MTERF4: variants seen among roughly 807,000 people sequenced by gnomAD.
MTERF4 encodes the protein mitochondrial transcription termination factor 4.
In MTERF4, 17 loss-of-function variants were observed where a neutral mutation model predicts 22.5. The ratio of observed to expected loss-of-function variants is 0.75; its 90% confidence interval spans 0.52 to 1.13. The LOEUF is 1.13. Among genes scored for constraint, MTERF4 ranks in the 50% most tolerant of loss-of-function variants. The pLI is 0.00. For missense variants in MTERF4, 420 were observed against 466.8 expected, an observed-to-expected ratio of 0.90 and a Z score of 0.92; for synonymous variants, 165 against 175.3, an observed-to-expected ratio of 0.94 and a Z score of 0.47.
chr2:241,084,141 T>A (rs945930516), downstream of MTERF4, among the ~76,000 whole-genome samples: 2 of 150,428 alleles, frequency 1.3e-5, no homozygotes, highest in Non-Finnish European at 3.0e-5. Context: ...AGGATTTTTT[T>A]TTTTTTTTTT....
chr2:241,057,315 G>T, the MTERF4 span, among the ~76,000 whole-genome samples: 1 of 149,794 alleles, frequency 6.7e-6, no homozygotes, highest in Non-Finnish European at 1.5e-5. Context: ...GGAGGCGGAG[G>T]TTGCAATGAG....
intron 2 of MTERF4, 67 bp downstream of exon 2, chr2:241,099,329 C>T: frequency 6.6e-7 from 1 of 1,524,614 alleles, no homozygotes; most frequent in South Asian, 1.3e-5. Context: ...CCTGCCTCGG[C>T]CTCCCAAAGA....
At chr2:241,089,213 G>C (rs945846762), downstream of MTERF4, 76 of 1,320,562 alleles carry the variant, frequency 5.8e-5, no homozygotes, top group Admixed American at 2.4e-4. Flanking sequence ...ACATGTCACT[G>C]CATGAAAGAT....
rs751077088 is a variant in MTERF4 at position 241,102,282 on chromosome 2, G to A, written c.-9C>T. 5.8e-6 allele frequency: 9 copies of A among 1,549,062 alleles called. No homozygotes were observed. Among genetic ancestry groups the A allele is most frequent in the South Asian group, 1.2e-5 (1 of 84,036 alleles). ...CGGCCGAACGCAGCCATAGCGCGGAGAAGATGGCAGCAGTTACGGCGCCGG... is the reference window on the plus strand; with the variant it reads ...CGGCCGAACGCAGCCATAGCGCGGAAAAGATGGCAGCAGTTACGGCGCCGG... On this transcript the variant is annotated 5_prime_UTR_variant, in exon 1 of 4. Coordinates refer to ENST00000391980, the MANE Select transcript of MTERF4 (RefSeq NM_182501.4).
At chr2:241,067,629 C>A, downstream of MTERF4, 1 of 654,172 alleles carries the variant, frequency 1.5e-6, no homozygotes, top group Non-Finnish European at 2.6e-6. Flanking sequence ...GTTCCCTGAG[C>A]AGTTGATGGG....
intron 4 of MTERF4, among the ~76,000 whole-genome samples, chr2:241,081,325 C>T (rs1422535918): frequency 1.4e-5 from 2 of 140,852 alleles, no homozygotes; most frequent in African/African-American, 2.5e-5. Flanking sequence ...CAGCAAGGGT[C>T]GGGGTGGGGA....
In MTERF4 at chr2:241,096,010, G is replaced by C. The variant is rs10167328; in HGVS notation, c.1134C>G (p.Asp378Glu). The C allele has an allele frequency of 1.7e-5, 28 of 1,613,616 alleles. No individual in the cohort carries two copies. The highest frequency in any genetic ancestry group is 3.3e-4 in the Middle Eastern group (2 of 6,062). The change falls in exon 4 of 4, where the codon GAC (aspartate) becomes GAG (glutamate). Residue 378 changes from aspartate (D) to glutamate (E), a missense_variant. By Grantham distance (45) the Asp-to-Glu change is conservative. Coordinates refer to ENST00000391980, the MANE Select transcript of MTERF4 (RefSeq NM_182501.4). This position sits in a 1 kb window ranked among gnomAD's most constrained non-coding sequence, Gnocchi z 5.1. ...AEDNDEDEDD[D>E]EEE is the part of the protein sequence containing the mutation. ...CCTTCCATCACAGCTATTCCTCCTC[G>C]TCGTCGTCCTCATCCTCATCATTGT...
At chr2:241,044,536 T>C in the MTERF4 span, among the ~76,000 whole-genome samples, 1 of 151,900 alleles carries the variant, frequency 6.6e-6, no homozygotes, top group Non-Finnish European at 1.5e-5. Flanking sequence ...CAGTGGTGAG[T>C]TTACCATTTT....
chr2:241,078,201 G>C (rs1464662823), intron 4 of MTERF4, among the ~76,000 whole-genome samples: 1 of 150,620 alleles, frequency 6.6e-6, no homozygotes, highest in African/African-American at 2.5e-5. Context: ...TGGCCAACGC[G>C]GTGAAACCCC....
At chr2:241,079,823 G>A (rs78788439) in intron 4 of MTERF4, among the ~76,000 whole-genome samples, 1,717 of 152,170 alleles carry the variant, frequency 0.011, 41 homozygotes, top group African/African-American at 0.039. Context: ...AAAAAGCATC[G>A]CCAAGGAATG....
chr2:241,078,177 GT>G lies in MTERF4; in HGVS notation n.480-2496del, dbSNP rs564361827. Among the ~76,000 whole-genome samples the G allele has an allele frequency of 4.0e-3, 608 of 151,958 alleles. 13 individuals are homozygous for G. The highest frequency in any genetic ancestry group is 0.013 in the African/African-American group (552 of 41,296). ...AGGCGGGCAGATCACCAGGTCAGGC[GT>G]TCGAGACAAGTCTGGCCAACGCGGT... On this transcript the variant is annotated intron_variant and non_coding_transcript_variant, in intron 4 of 4. Coordinates refer to the MTERF4 transcript ENST00000464344.
downstream of MTERF4, among the ~76,000 whole-genome samples, chr2:241,071,219 CTG>C (rs2125239306): frequency 6.6e-6 from 1 of 152,314 alleles, no homozygotes; most frequent in South Asian, 2.1e-4. Flanking sequence ...GGGAGAAGCA[CTG>C]TGTCTCCAGG....
rs1258117358 is a variant in MTERF4, at chr2:241,101,994, A to C, written c.21+259T>G. The C allele has an allele frequency of 5.4e-6, 3 of 555,194 alleles. No homozygotes were observed. In the African/African-American group the frequency reaches 6.0e-5, roughly 11 times the overall value. The allele number at this position is 555,194 out of a possible 1,614,324, so 34.4% of individuals were successfully genotyped here. On this transcript the variant is annotated intron_variant, in intron 1 of 3. Coordinates refer to ENST00000391980, the MANE Select transcript of MTERF4 (RefSeq NM_182501.4). Reference sequence around the variant, plus strand: ...CTTGAACCCGGGAGGCGGAGGTTGCAGTGAGCCGAGATCGCGCCATTGCAC... The same window carrying C: ...CTTGAACCCGGGAGGCGGAGGTTGCCGTGAGCCGAGATCGCGCCATTGCAC...
the MTERF4 span, among the ~76,000 whole-genome samples, chr2:241,066,093 C>A: frequency 6.6e-6 from 1 of 152,178 alleles, no homozygotes; most frequent in African/African-American, 2.4e-5. Context: ...TGGGGCAGGC[C>A]CTAGATGGAA....
rs768765232 is a variant in MTERF4, at chr2:241,073,250, G to A, written n.2912C>T. The A allele has an allele frequency of 1.5e-5, 23 of 1,546,114 alleles. No homozygotes were observed. Among genetic ancestry groups the A allele is most frequent in the East Asian group, 7.3e-5 (3 of 40,856 alleles). On this transcript the variant is annotated non_coding_transcript_exon_variant, in exon 5 of 5. Coordinates refer to the MTERF4 transcript ENST00000464344. This position sits in a 1 kb window ranked among gnomAD's most constrained non-coding sequence, Gnocchi z 6.6. ...AAAGCAGCTGCGCCGTGTGGTCACC[G>A]CCTGGCTTCTCCTAGAACCCACAGC...
At chr2:241,061,871 AAAAAG>A in the MTERF4 span, among the ~76,000 whole-genome samples, 8 of 152,092 alleles carry the variant, frequency 5.3e-5, no homozygotes, top group East Asian at 1.4e-3. Context: ...AAAAAAAGAA[AAAAAG>A]AAAACAAAAA....
chr2:241,044,020 A>G, the MTERF4 span, among the ~76,000 whole-genome samples: 1 of 152,264 alleles, frequency 6.6e-6, no homozygotes, highest in African/African-American at 2.4e-5. Flanking sequence ...TAAGTAAAAG[A>G]TATACATTGT....
downstream of MTERF4, chr2:241,069,927 G>T: frequency 1.2e-6 from 2 of 1,612,266 alleles, no homozygotes; most frequent in Non-Finnish European, 1.7e-6. This position sits in a 1 kb window ranked among gnomAD's most constrained non-coding sequence, Gnocchi z 4.9. Flanking sequence ...CAGGGCCCCT[G>T]CCTCCAGCAA....
chr2:241,065,003 C>T, the MTERF4 span: 7 of 1,438,324 alleles, frequency 4.9e-6, no homozygotes, highest in Non-Finnish European at 4.7e-6. Context: ...GAGGGGGTCC[C>T]CTCTCCCTAG....
Sources: allele counts gnomAD v4.1 joint callset (sites outside exome capture counted in the v4.1 genomes callset), GRCh38; gene constraint gnomAD v4.1.1; non-coding constraint Gnocchi (gnomAD v3.1); transcripts MANE v1.5; gene names NCBI Gene and HGNC (gene_info 2026-07-23, HGNC 2026-07-21).